Variants in GAS7 observed in about 807,000 individuals in gnomAD.
GAS7 encodes the protein growth arrest specific 7.
A neutral mutation model predicts 71.1 loss-of-function variants in GAS7; 28 were observed. That is an observed-to-expected ratio of 0.39 (90% CI 0.29 to 0.54). GAS7 has a LOEUF of 0.54. Among genes scored for constraint, GAS7 ranks in the 20% least tolerant of loss-of-function variants. The pLI, the probability that GAS7 is intolerant of heterozygous loss-of-function variation, is 0.62. For synonymous variants in GAS7, 258 were observed against 245.8 expected, an observed-to-expected ratio of 1.05 and a Z score of -0.46; for missense variants, 436 against 627.8, an observed-to-expected ratio of 0.69 and a Z score of 3.27.
chr17:10,096,844 G>A (rs760945704), intron 1 of GAS7, among the ~76,000 whole-genome samples: 11 of 152,204 alleles, frequency 7.2e-5, no homozygotes, highest in East Asian at 1.9e-4. Context: ...CACGAGTGGC[G>A]TCCAAAACAC....
chr17:10,146,000 A>C lies in GAS7; in HGVS notation c.183+52208T>G, dbSNP rs80037577. Among the ~76,000 whole-genome samples, 36 of 152,288 alleles carry C rather than the reference A, an allele frequency of 2.4e-4. 1 individual carries two copies. In the East Asian group the frequency reaches 6.4e-3, roughly 27 times the overall value. On this transcript the variant is annotated intron_variant, in intron 1 of 13. Coordinates refer to ENST00000432992, the MANE Select transcript of GAS7 (RefSeq NM_201433.2). ...CCCTCTGAACCAGCAGACCCTTGTC[A>C]TGGATCAGGTCCTGCGCTGATGGAC...
chr17:10,036,992 T>TGGCCCC lies in GAS7; in HGVS notation c.184-17101_184-17096dup, dbSNP rs373674196. 6.6e-3 allele frequency among the ~76,000 whole-genome samples: 1,003 copies of TGGCCCC among 152,302 alleles called. 6 individuals carry two copies. The highest frequency in any genetic ancestry group is 0.011 in the Non-Finnish European group (742 of 68,026). On this transcript the variant is annotated intron_variant, in intron 1 of 13. Coordinates refer to ENST00000432992, the MANE Select transcript of GAS7 (RefSeq NM_201433.2). ...CAACCCTAAGTCACAGCTCTGGTCC[T>TGGCCCC]GGCCCCGGCCCCGGCCCCAGCTGTG...
intron 1 of GAS7, among the ~76,000 whole-genome samples, chr17:10,148,966 T>C (rs923238585): frequency 6.6e-6 from 1 of 150,766 alleles, no homozygotes; most frequent in Non-Finnish European, 1.5e-5. Flanking sequence ...GTCAACTGGA[T>C]GATGAATAAA....
chr17:10,030,450 T>C (rs2072588863), intron 1 of GAS7, among the ~76,000 whole-genome samples: 1 of 152,234 alleles, frequency 6.6e-6, no homozygotes, highest in Admixed American at 6.5e-5. Context: ...CCATGTCCTG[T>C]GGAACTGTGG....
chr17:10,148,252 G>A (rs1597819956), intron 1 of GAS7, among the ~76,000 whole-genome samples: 1 of 152,094 alleles, frequency 6.6e-6, no homozygotes. Flanking sequence ...CGTTGGTTTC[G>A]GTTAACCTAG....
chr17:9,922,975 C>T (rs967822542), intron 11 of GAS7, among the ~76,000 whole-genome samples: 11 of 152,208 alleles, frequency 7.2e-5, no homozygotes, highest in African/African-American at 2.7e-4. Flanking sequence ...GTGCTGCGAT[C>T]TCAGCTCACT....
intron 1 of GAS7, among the ~76,000 whole-genome samples, chr17:10,161,936 G>A (rs991587543): frequency 3.3e-5 from 5 of 151,994 alleles, no homozygotes; most frequent in East Asian, 1.9e-4. Flanking sequence ...GCGTGGTGGC[G>A]GGCGCCTGTA....
chr17:10,124,575 C>A (rs1015958734), intron 1 of GAS7, among the ~76,000 whole-genome samples: 2 of 152,154 alleles, frequency 1.3e-5, no homozygotes, highest in South Asian at 2.1e-4. Context: ...GCTTAGCCAG[C>A]GAATGGGGCA....
intron 2 of GAS7, among the ~76,000 whole-genome samples, chr17:10,007,625 C>CAAAAAAAAAAAAA (rs201254619): frequency 4.3e-5 from 2 of 46,596 alleles, no homozygotes; most frequent in Non-Finnish European, 9.1e-5. Context: ...GATTCTGTCT[C>CAAAAAAAAAAAAA]AAAAAAAAAA....
intron 1 of GAS7, among the ~76,000 whole-genome samples, chr17:10,036,998 C>T (rs984004108): frequency 1.1e-4 from 16 of 152,174 alleles, no homozygotes; most frequent in African/African-American, 3.9e-4. Flanking sequence ...GTCCTGGCCC[C>T]GGCCCCGGCC....
rs1463401520 is a variant in GAS7, at chr17:10,076,218, GGGGGA to G, written c.184-56326_184-56322del. Among the ~76,000 whole-genome samples the G allele has an allele frequency of 2.2e-5, 2 of 91,684 alleles. 1 individual carries two copies. Among genetic ancestry groups the G allele is most frequent in the South Asian group, 9.9e-4 (2 of 2,012 alleles). The allele number at this position is 91,684 out of a possible 152,430, so 60.1% of individuals were successfully genotyped here. A position where few individuals can be genotyped will look rare whatever the true frequency, so the allele number is the denominator to read the frequency against. On this transcript the variant is annotated intron_variant, in intron 1 of 13. Coordinates refer to ENST00000432992, the MANE Select transcript of GAS7 (RefSeq NM_201433.2). ...GGGAGAGGGAGAAGTGGGAGGGGGA[GGGGGA>G]GGGGAGAGGGAGAGGGAGAGGGACA...
chr17:10,189,890 G>A (rs1371098791), intron 1 of GAS7, among the ~76,000 whole-genome samples: 2 of 148,820 alleles, frequency 1.3e-5, no homozygotes, highest in Non-Finnish European at 3.0e-5. Flanking sequence ...AGTGAGCCGA[G>A]ATCACACCAC....
chr17:10,052,434 G>A (rs1567570273), intron 1 of GAS7, among the ~76,000 whole-genome samples: 1 of 152,196 alleles, frequency 6.6e-6, no homozygotes, highest in African/African-American at 2.4e-5. Context: ...AGGTCTAAGA[G>A]GGTGGGTAGG....
At chr17:10,180,485 C>T (rs754847944) in intron 1 of GAS7, among the ~76,000 whole-genome samples, 2 of 152,138 alleles carry the variant, frequency 1.3e-5, no homozygotes, top group African/African-American at 4.8e-5. Flanking sequence ...AAGATGCCCA[C>T]AAATCGAGAA....
chr17:10,102,251 C>T (rs1597792814), intron 1 of GAS7, among the ~76,000 whole-genome samples: 3 of 145,340 alleles, frequency 2.1e-5, no homozygotes, highest in Admixed American at 2.1e-4. Context: ...CCATTGTTGA[C>T]CACTGAGATT....
At chr17:10,152,729 G>A (rs543903518) in intron 1 of GAS7, among the ~76,000 whole-genome samples, 14 of 152,148 alleles carry the variant, frequency 9.2e-5, no homozygotes, top group Non-Finnish European at 1.9e-4. Context: ...ATTCAGGGTG[G>A]CATGTGCAGG....
rs547368347 is a variant in GAS7 at position 10,171,709 on chromosome 17, G to A, written c.183+26499C>T. On this transcript the variant is annotated intron_variant, in intron 1 of 13. Transcript: ENST00000432992. ...AGGGACGGGTGAAGCAGTGAAGAACGCTGGTCCTAAGCAGTGTTGAAACCT... is the reference window on the plus strand; with the variant it reads ...AGGGACGGGTGAAGCAGTGAAGAACACTGGTCCTAAGCAGTGTTGAAACCT... Among the ~76,000 whole-genome samples, 3 of 152,270 alleles carry A rather than the reference G, an allele frequency of 2.0e-5. No individual in the cohort carries two copies. In the South Asian group the frequency reaches 6.2e-4, roughly 32 times the overall value.
intron 11 of GAS7, among the ~76,000 whole-genome samples, chr17:9,922,357 CAG>C (rs2067849552): frequency 6.6e-6 from 1 of 152,210 alleles, no homozygotes; most frequent in Non-Finnish European, 1.5e-5. Flanking sequence ...TGGCGACAAG[CAG>C]AGTCTCTGGA....
intron 11 of GAS7, among the ~76,000 whole-genome samples, chr17:9,921,218 G>A (rs553107208): frequency 1.0e-4 from 15 of 149,744 alleles, no homozygotes; most frequent in Admixed American, 1.3e-4. Flanking sequence ...GTGCAGTGGC[G>A]CAATCTCGGC....
Sources: allele counts gnomAD v4.1 joint callset (sites outside exome capture counted in the v4.1 genomes callset), GRCh38; gene constraint gnomAD v4.1.1; transcripts MANE v1.5; gene names NCBI Gene and HGNC (gene_info 2026-07-23, HGNC 2026-07-21).